Variants in CTNNA2 observed in about 807,000 individuals in gnomAD.
CTNNA2 encodes the protein catenin alpha 2.
Under a neutral mutation model 101.0 loss-of-function variants are expected in CTNNA2, and 42 were observed. The ratio of observed to expected loss-of-function variants is 0.42; its 90% CI spans 0.32 to 0.54. The LOEUF is 0.54. Ranked by LOEUF, CTNNA2 falls within the 20% of genes least tolerant of loss-of-function variation. CTNNA2 has a pLI of 0.14. For synonymous variants in CTNNA2, 450 were observed against 456.4 expected (o/e 0.99, Z 0.18); for missense variants, 871 against 1,223.1 (o/e 0.71, Z 4.29).
At chr2:80,337,516 A>G (rs1180576486) in intron 7 of CTNNA2, among the ~76,000 whole-genome samples, 2 of 143,828 alleles carry the variant, frequency 1.4e-5, no homozygotes, top group East Asian at 2.3e-4. Context: ...GAAAAGCTAG[A>G]GCAGTTTTGA....
chr2:80,341,373 T>C (rs2149278910), intron 7 of CTNNA2, among the ~76,000 whole-genome samples: 1 of 152,284 alleles, frequency 6.6e-6, no homozygotes, highest in East Asian at 1.9e-4. Context: ...CGCTCATCAC[T>C]CTAGAGCTTC....
intron 9 of CTNNA2, among the ~76,000 whole-genome samples, chr2:80,489,621 A>G (rs1170553007): frequency 1.3e-5 from 2 of 152,176 alleles, no homozygotes; most frequent in Non-Finnish European, 2.9e-5. Flanking sequence ...GAATGTTGGT[A>G]GGTTGGTTTT....
chr2:80,373,892 C>G (rs373352162), intron 7 of CTNNA2, among the ~76,000 whole-genome samples: 4 of 152,104 alleles, frequency 2.6e-5, no homozygotes, highest in Admixed American at 6.5e-5. Flanking sequence ...ATTTCTGGAG[C>G]CTGTCACATC....
At chr2:79,765,437 G>T (rs1483042835) in intron 3 of CTNNA2, among the ~76,000 whole-genome samples, 1 of 151,968 alleles carries the variant, frequency 6.6e-6, no homozygotes, top group South Asian at 2.1e-4. Context: ...TACTGAAGTG[G>T]TTTTCAAACT....
chr2:80,012,127 G>T (rs183248264), intron 7 of CTNNA2, among the ~76,000 whole-genome samples: 1 of 152,230 alleles, frequency 6.6e-6, no homozygotes, highest in Non-Finnish European at 1.5e-5. Flanking sequence ...CTCTCTAAAG[G>T]CAGGCAGTGT....
intron 4 of CTNNA2, among the ~76,000 whole-genome samples, chr2:79,465,139 C>A (rs532281631): frequency 6.6e-6 from 1 of 152,238 alleles, no homozygotes; most frequent in Admixed American, 6.5e-5. Context: ...AGTCTTTAAT[C>A]CATCTTGAAT....
intron 7 of CTNNA2, among the ~76,000 whole-genome samples, chr2:79,967,586 G>T (rs1013992007): frequency 2.6e-5 from 4 of 152,090 alleles, no homozygotes; most frequent in African/African-American, 9.7e-5. Flanking sequence ...AAATCCTAAT[G>T]CCTTACCCTG....
chr2:80,339,389 G>C (rs563009202), intron 7 of CTNNA2, among the ~76,000 whole-genome samples: 2 of 152,208 alleles, frequency 1.3e-5, no homozygotes, highest in South Asian at 4.1e-4. Flanking sequence ...TAGAATATTT[G>C]ATTTTTATTA....
chr2:80,004,703 T>TTATC (rs1387471379), intron 7 of CTNNA2, among the ~76,000 whole-genome samples: 1,603 of 103,912 alleles, frequency 0.015, 27 homozygotes, highest in African/African-American at 0.046. Flanking sequence ...ATTTATTTAT[T>TTATC]TATTTATCCA....
At chr2:79,514,919 T>C (rs1295797583) in intron 1 of CTNNA2, among the ~76,000 whole-genome samples, 4 of 152,222 alleles carry the variant, frequency 2.6e-5, no homozygotes, top group African/African-American at 9.6e-5. Flanking sequence ...AATTATTATA[T>C]GACAGTAGTG....
At chr2:80,588,691 G>A (rs1208426080) in intron 14 of CTNNA2, among the ~76,000 whole-genome samples, 6 of 152,016 alleles carry the variant, frequency 3.9e-5, no homozygotes, top group East Asian at 1.9e-4. Flanking sequence ...CTTTAACAAG[G>A]AGCCGCAGGC....
intron 1 of CTNNA2, among the ~76,000 whole-genome samples, chr2:79,611,825 C>T (rs760315352): frequency 4.6e-5 from 7 of 150,582 alleles, no homozygotes; most frequent in Non-Finnish European, 7.4e-5. Flanking sequence ...TATACAAAGT[C>T]AGCGATATAA....
At chr2:79,493,446 T>C (rs1239708448) in intron 4 of CTNNA2, among the ~76,000 whole-genome samples, 1 of 152,080 alleles carries the variant, frequency 6.6e-6, no homozygotes, top group Non-Finnish European at 1.5e-5. Context: ...TGAAACCCCA[T>C]CTCTACTAAA....
intron 7 of CTNNA2, among the ~76,000 whole-genome samples, chr2:80,322,963 G>A (rs1401772076): frequency 6.6e-6 from 1 of 152,186 alleles, no homozygotes; most frequent in Non-Finnish European, 1.5e-5. Flanking sequence ...ATGTAATTTG[G>A]GAACAGGCAA....
chr2:80,488,404 C>G (rs977713268), intron 9 of CTNNA2, among the ~76,000 whole-genome samples: 1 of 152,046 alleles, frequency 6.6e-6, no homozygotes, highest in African/African-American at 2.4e-5. Context: ...CTAAGTCCCT[C>G]AACTTTACTA....
chr2:79,602,954 C>T (rs766103732), intron 1 of CTNNA2, among the ~76,000 whole-genome samples: 4 of 152,052 alleles, frequency 2.6e-5, no homozygotes, highest in Admixed American at 6.6e-5. Context: ...TGTGGTAAGA[C>T]GAATCTGAAG....
intron 3 of CTNNA2, chr2:79,777,187 C>G (rs908117377): frequency 4.6e-5 from 7 of 152,116 alleles, no homozygotes; most frequent in Admixed American, 2.0e-4. Flanking sequence ...AAAATAGGAA[C>G]TGCTTACTAT....
chr2:79,314,418 C>T (rs942827687), intron 3 of CTNNA2, among the ~76,000 whole-genome samples: 2 of 152,158 alleles, frequency 1.3e-5, no homozygotes, highest in African/African-American at 4.8e-5. Flanking sequence ...TAAACAACCT[C>T]TCAGGAAGAA....
At chr2:80,435,160 CA>C (rs755273870) in intron 9 of CTNNA2, among the ~76,000 whole-genome samples, 6 of 152,238 alleles carry the variant, frequency 3.9e-5, no homozygotes, top group African/African-American at 1.4e-4. Context: ...TCCTGGGGGA[CA>C]AAATCATCCC....
Sources: allele counts gnomAD v4.1 joint callset (sites outside exome capture counted in the v4.1 genomes callset), GRCh38; gene constraint gnomAD v4.1.1; transcripts MANE v1.5; gene names NCBI Gene and HGNC (gene_info 2026-07-23, HGNC 2026-07-21).